The following ATPSCKMT variants were observed in gnomAD, a reference collection of about 807,000 sequenced individuals.
ATPSCKMT encodes ATP synthase c subunit lysine N-methyltransferase.
Under a neutral mutation model 24.3 loss-of-function variants are expected in ATPSCKMT, and 24 were observed. The observed-to-expected ratio is 0.99, with a 90% CI of 0.71 to 1.39. The LOEUF (loss-of-function observed/expected upper bound fraction) is 1.39. ATPSCKMT is among the 40% of genes most tolerant of loss of function. The pLI is 0.00. For missense variants in ATPSCKMT, 311 were observed against 298.4 expected (o/e 1.04, Z -0.31); for synonymous variants, 95 against 110.5 (o/e 0.86, Z 0.88).
At chr5:10,230,876 C>T (rs1227565690) in intron 4 of ATPSCKMT, among the ~76,000 whole-genome samples, 1 of 152,134 alleles carries the variant, frequency 6.6e-6, no homozygotes. Context: ...AGAGCTCATG[C>T]CTTCAACAGC....
chr5:10,234,615 C>T (rs934485772), intron 4 of ATPSCKMT, among the ~76,000 whole-genome samples: 1 of 152,176 alleles, frequency 6.6e-6, no homozygotes. Context: ...GGATTTCTTT[C>T]CATGGTCTGT....
chr5:10,236,879 T>C, intron 2 of ATPSCKMT: 4 of 1,432,278 alleles, frequency 2.8e-6, no homozygotes, highest in Non-Finnish European at 3.7e-6. Flanking sequence ...TTGGAACACC[T>C]CCATAATTGA....
chr5:10,248,887 G>A (rs3888292), intron 1 of ATPSCKMT, among the ~76,000 whole-genome samples: 2,175 of 152,134 alleles, frequency 0.014, 51 homozygotes, highest in African/African-American at 0.048. Context: ...ATTAAGTCAT[G>A]ATCTTGGAGG....
chr5:10,238,568 G>A (rs1375783030), intron 2 of ATPSCKMT, among the ~76,000 whole-genome samples: 1 of 152,174 alleles, frequency 6.6e-6, no homozygotes. Flanking sequence ...ATTTATAGGT[G>A]CCCAACTGCG....
At chr5:10,231,295 G>C (rs1744122052) in intron 4 of ATPSCKMT, among the ~76,000 whole-genome samples, 1 of 152,096 alleles carries the variant, frequency 6.6e-6, no homozygotes, top group African/African-American at 2.4e-5. Flanking sequence ...AATGCACACA[G>C]AATTTGATGC....
chr5:10,247,592 G>A (rs756824100), intron 1 of ATPSCKMT, among the ~76,000 whole-genome samples: 10 of 152,100 alleles, frequency 6.6e-5, no homozygotes, highest in African/African-American at 1.2e-4. Context: ...CAATTCTCTC[G>A]CCTCAGCCTC....
intron 4 of ATPSCKMT, among the ~76,000 whole-genome samples, chr5:10,229,465 T>C (rs1341567562): frequency 1.3e-5 from 2 of 152,228 alleles, no homozygotes; most frequent in Non-Finnish European, 1.5e-5. Flanking sequence ...CTCTTGATGA[T>C]GGCAGTAACC....
intron 4 of ATPSCKMT, among the ~76,000 whole-genome samples, chr5:10,229,030 C>T (rs1011364260): frequency 7.2e-5 from 11 of 152,210 alleles, no homozygotes; most frequent in Non-Finnish European, 1.3e-4. Context: ...ATACAATATG[C>T]TCCTTTACTT....
Position 10,227,114 on chromosome 5 carries a change from C to A in ATPSCKMT, c.*327G>T. On this transcript the variant is annotated 3_prime_UTR_variant, in exon 5 of 5. Coordinates refer to ENST00000511437, the MANE Select transcript of ATPSCKMT (RefSeq NM_199133.4). ...GTCTTTAAAAATCATTTCTCCTTAT[C>A]GAGGCATTAAGCCATATTGTTTATA... is the stretch of plus-strand genomic sequence containing the variant. The A allele has an allele frequency of 3.6e-6, 1 of 279,900 alleles. No individual in the cohort carries two copies. Among genetic ancestry groups the A allele is most frequent in the South Asian group, 4.4e-5 (1 of 22,542 alleles). The allele number at this position is 279,900 out of a possible 1,614,324, so 17.3% of individuals were successfully genotyped here.
At chr5:10,229,486 G>A (rs560234289) in intron 4 of ATPSCKMT, among the ~76,000 whole-genome samples, 1 of 152,272 alleles carries the variant, frequency 6.6e-6, no homozygotes, top group East Asian at 1.9e-4. Flanking sequence ...ACACAGTGAA[G>A]GTGGGATCCG....
At chr5:10,240,221 G>A (rs1280118185) in intron 1 of ATPSCKMT, among the ~76,000 whole-genome samples, 3 of 150,042 alleles carry the variant, frequency 2.0e-5, no homozygotes, top group Non-Finnish European at 3.0e-5. Flanking sequence ...GTGACAGAGC[G>A]AGACTCTGTC....
At chr5:10,235,339 G>A in intron 3 of ATPSCKMT, 78 bp from the exon 4 acceptor site, 1 of 1,290,164 alleles carries the variant, frequency 7.8e-7, no homozygotes, top group South Asian at 1.3e-5. Flanking sequence ...TACAGAAATG[G>A]GTAGCAGTTT....
intron 1 of ATPSCKMT, chr5:10,249,594 C>A: frequency 4.3e-6 from 2 of 463,262 alleles, no homozygotes; most frequent in Non-Finnish European, 7.5e-6. Context: ...TCCTTAAGAT[C>A]GTGCCAAAGG....
intron 4 of ATPSCKMT, among the ~76,000 whole-genome samples, chr5:10,230,201 G>A (rs921619537): frequency 1.3e-5 from 2 of 151,784 alleles, no homozygotes; most frequent in Non-Finnish European, 2.9e-5. Context: ...GAATCAATGC[G>A]AAGATAACAC....
intron 3 of ATPSCKMT, among the ~76,000 whole-genome samples, chr5:10,235,533 G>A (rs1356145474): frequency 1.3e-5 from 2 of 152,136 alleles, no homozygotes; most frequent in East Asian, 1.9e-4. Flanking sequence ...TCCAGGGCAC[G>A]CCCCAGTGGT....
intron 1 of ATPSCKMT, chr5:10,249,507 G>A (rs1247589058): frequency 1.3e-5 from 4 of 313,476 alleles, no homozygotes; most frequent in Non-Finnish European, 2.3e-5. Flanking sequence ...GAAGTTAAGG[G>A]ATTTCCTCAA....
At chr5:10,233,308 G>A (rs1317106191) in intron 4 of ATPSCKMT, among the ~76,000 whole-genome samples, 1 of 151,870 alleles carries the variant, frequency 6.6e-6, no homozygotes, top group African/African-American at 2.4e-5. Flanking sequence ...TGAAAGTAGG[G>A]GCCTCCACAC....
intron 1 of ATPSCKMT, among the ~76,000 whole-genome samples, chr5:10,248,838 G>A (rs1745099105): frequency 1.3e-5 from 2 of 152,200 alleles, no homozygotes; most frequent in Non-Finnish European, 2.9e-5. Context: ...GAGAAGCAAG[G>A]ATGGAAACCC....
At position 10,227,580 on chromosome 5, in the gene ATPSCKMT, A is replaced by G; in HGVS notation, c.563T>C (p.Phe188Ser). Residue 188 changes from phenylalanine to serine, a missense_variant, in exon 5 of 5, where the codon TTC (phenylalanine) becomes TCC (serine). Phe to Ser is a radical substitution (Grantham distance 155). Coordinates refer to ENST00000511437, the MANE Select transcript of ATPSCKMT (RefSeq NM_199133.4). ...EDDARVIACRFPFPHWTPDHV... is the reference protein window; with the variant it reads ...EDDARVIACRSPFPHWTPDHV... Reference sequence around the variant, plus strand: ...GTCTGGAGTCCAATGTGGGAAAGGGAACCGGCAAGCAATAACTCGTGCATC... The same window carrying G: ...GTCTGGAGTCCAATGTGGGAAAGGGGACCGGCAAGCAATAACTCGTGCATC... The G allele has an allele frequency of 6.2e-7, 1 of 1,614,188 alleles. No homozygotes were observed. The highest frequency in any genetic ancestry group is 8.5e-7 in the Non-Finnish European group (1 of 1,180,036).
Sources: allele counts gnomAD v4.1 joint callset (sites outside exome capture counted in the v4.1 genomes callset), GRCh38; gene constraint gnomAD v4.1.1; transcripts MANE v1.5; gene names NCBI Gene and HGNC (gene_info 2026-07-23, HGNC 2026-07-21).